The following PEX5L variants were observed in gnomAD, a reference collection of about 807,000 sequenced individuals.
The protein encoded by PEX5L is peroxisomal biogenesis factor 5 like, also known as PEX5-related protein.
PEX5L carries 30 observed loss-of-function variants against 84.0 expected under a neutral mutation model. The observed-to-expected ratio is 0.36, with a 90% CI of 0.27 to 0.48. The LOEUF is 0.48. Ranked by LOEUF, PEX5L falls within the 20% of genes least tolerant of loss-of-function variation. PEX5L has a pLI of 0.99. For missense variants in PEX5L, 533 were observed against 754.6 expected (o/e 0.71, Z 3.44); for synonymous variants, 270 against 283.1 (o/e 0.95, Z 0.46).
At chr3:179,894,414 G>A (rs540624844) in intron 3 of PEX5L, among the ~76,000 whole-genome samples, 6 of 152,006 alleles carry the variant, frequency 3.9e-5, no homozygotes, top group East Asian at 1.9e-4. Context: ...TTCTGGTAAC[G>A]GATAATCAAG....
chr3:179,869,516 G>T (rs1408808367), intron 7 of PEX5L, among the ~76,000 whole-genome samples: 1 of 152,194 alleles, frequency 6.6e-6, no homozygotes, highest in East Asian at 1.9e-4. Flanking sequence ...TATTGTTGGG[G>T]CTCAGAAAAA....
chr3:179,861,151 G>A (rs3774240), intron 7 of PEX5L, among the ~76,000 whole-genome samples: 75,495 of 152,098 alleles, frequency 0.5, 19,164 homozygotes, highest in East Asian at 0.74. Flanking sequence ...GAATACTTCT[G>A]TATCCTCAGT....
intron 2 of PEX5L, among the ~76,000 whole-genome samples, chr3:179,948,196 C>T (rs1578830278): frequency 6.6e-6 from 1 of 152,120 alleles, no homozygotes; most frequent in East Asian, 1.9e-4. Flanking sequence ...TAGCAAAGGG[C>T]CTGGAAGTTC....
intron 5 of PEX5L, among the ~76,000 whole-genome samples, chr3:179,876,495 TAAA>T (rs566975818): frequency 7.2e-6 from 1 of 138,694 alleles, no homozygotes; most frequent in African/African-American, 2.6e-5. Context: ...AAACTCTGTC[TAAA>T]AAAAAAAAAA....
At chr3:179,934,689 A>G (rs892250315) in intron 2 of PEX5L, among the ~76,000 whole-genome samples, 4 of 152,166 alleles carry the variant, frequency 2.6e-5, no homozygotes, top group African/African-American at 9.7e-5. Flanking sequence ...TATGAATCTA[A>G]TATCAATTTG....
chr3:179,887,424 A>G (rs1043677066), intron 4 of PEX5L, among the ~76,000 whole-genome samples: 8 of 152,242 alleles, frequency 5.3e-5, no homozygotes, highest in African/African-American at 1.7e-4. Context: ...TAAATATGCA[A>G]ATATGAAAAT....
chr3:179,955,479 T>TTC (rs61508641), intron 2 of PEX5L, among the ~76,000 whole-genome samples: 1 of 21,776 alleles, frequency 4.6e-5, no homozygotes, highest in African/African-American at 1.3e-4. Context: ...TGCTATGCTC[T>TTC]TTTTTTTTTT....
At chr3:179,844,816 C>T (rs1738701864) in intron 8 of PEX5L, among the ~76,000 whole-genome samples, 2 of 152,030 alleles carry the variant, frequency 1.3e-5, no homozygotes, top group Non-Finnish European at 2.9e-5. Flanking sequence ...GGCGACAGAG[C>T]GAGACTCCAT....
intron 2 of PEX5L, among the ~76,000 whole-genome samples, chr3:179,939,207 C>T (rs999464429): frequency 1.3e-5 from 2 of 152,182 alleles, no homozygotes; most frequent in African/African-American, 4.8e-5. Context: ...AATGAAGATG[C>T]TTACTGAAGA....
At chr3:179,818,178 G>T (rs1334741080) in intron 9 of PEX5L, among the ~76,000 whole-genome samples, 3 of 152,022 alleles carry the variant, frequency 2.0e-5, no homozygotes, top group Non-Finnish European at 2.9e-5. Flanking sequence ...TATCATGAAT[G>T]CTATCCAGAA....
At chr3:179,929,402 G>T (rs1772371375) in intron 2 of PEX5L, among the ~76,000 whole-genome samples, 1 of 151,638 alleles carries the variant, frequency 6.6e-6, no homozygotes, top group South Asian at 2.1e-4. Flanking sequence ...TAAGTATAAA[G>T]AATTTTGCAT....
At position 179,966,937 on chromosome 3, in the gene PEX5L, A is replaced by T. The variant is rs1534022; in HGVS notation, c.93+4657T>A. Among the ~76,000 whole-genome samples the T allele has an allele frequency of 2.6e-5, 4 of 152,098 alleles. No homozygotes were observed. In the East Asian group the frequency reaches 5.8e-4, roughly 22 times the overall value. ...CTCCTTGAGGAGGTTGTGAGAGGAA[A>T]GGCAAGCGGTCTTCATAACTACTTT... is the stretch of plus-strand genomic sequence containing the variant. On this transcript the variant is annotated intron_variant, in intron 2 of 14. Coordinates refer to ENST00000467460, the MANE Select transcript of PEX5L (RefSeq NM_016559.3).
chr3:179,830,569 A>G (rs9880204), intron 8 of PEX5L, among the ~76,000 whole-genome samples: 101,429 of 152,016 alleles, frequency 0.67, 34,016 homozygotes, highest in African/African-American at 0.73. Flanking sequence ...CTAATGTGGA[A>G]CTAGGTAGTT....
At chr3:179,885,984 T>G (rs527431924) in intron 4 of PEX5L, among the ~76,000 whole-genome samples, 6 of 152,336 alleles carry the variant, frequency 3.9e-5, no homozygotes, top group African/African-American at 1.4e-4. Flanking sequence ...TGCAAGAAAT[T>G]ACACATTCTT....
chr3:179,959,980 T>C (rs1781606077), intron 2 of PEX5L, among the ~76,000 whole-genome samples: 1 of 152,164 alleles, frequency 6.6e-6, no homozygotes, highest in South Asian at 2.1e-4. Context: ...AGTAATAGAG[T>C]CTCAGATTTT....
At chr3:180,018,239 A>G (rs921651292) in intron 1 of PEX5L, among the ~76,000 whole-genome samples, 4 of 152,204 alleles carry the variant, frequency 2.6e-5, no homozygotes, top group African/African-American at 4.8e-5. Context: ...ATATTTTTAT[A>G]CATATATATT....
chr3:179,837,746 G>A (rs987977766), intron 8 of PEX5L, among the ~76,000 whole-genome samples: 5 of 152,216 alleles, frequency 3.3e-5, no homozygotes, highest in Non-Finnish European at 7.3e-5. Context: ...AGAAATCTGT[G>A]CAGTTGCTGG....
intron 7 of PEX5L, among the ~76,000 whole-genome samples, chr3:179,870,044 C>T (rs1262684653): frequency 6.6e-6 from 1 of 152,110 alleles, no homozygotes; most frequent in Non-Finnish European, 1.5e-5. Context: ...ATGAACTTTA[C>T]CAGGCTGAAA....
chr3:180,024,339 C>A (rs1399749174), intron 1 of PEX5L, among the ~76,000 whole-genome samples: 2 of 115,246 alleles, frequency 1.7e-5, no homozygotes, highest in Non-Finnish European at 1.8e-5. Context: ...GAAACCCCGT[C>A]CCTACTAAAT....
Sources: gnomAD v4.1 joint callset for allele counts (sites outside exome capture counted in the v4.1 genomes callset) on GRCh38, gnomAD v4.1.1 for gene constraint, MANE v1.5 for transcripts, NCBI Gene and HGNC (gene_info 2026-07-23, HGNC 2026-07-21) for gene names.